Variants in G3BP1 observed in about 807,000 individuals in gnomAD.
G3BP1 encodes G3BP stress granule assembly factor 1.
Under a neutral mutation model 58.6 loss-of-function variants are expected in G3BP1, and 35 were observed. That is an observed-to-expected ratio of 0.60 (90% CI 0.46 to 0.79). The LOEUF (loss-of-function observed/expected upper bound fraction) is 0.79, where lower values mean the gene tolerates loss of function less well. G3BP1 is among the 30% of genes least tolerant of loss of function. The probability of loss-of-function intolerance (pLI) is 0.00; values close to 1 mark genes in which losing one functional copy is unlikely to be tolerated. For synonymous variants in G3BP1, 191 were observed against 195.4 expected, an observed-to-expected ratio of 0.98 and a Z score of 0.19; for missense variants, 523 against 580.8, an observed-to-expected ratio of 0.90 and a Z score of 1.02.
intron 1 of G3BP1, among the ~76,000 whole-genome samples, chr5:151,779,036 A>C (rs1762421707): frequency 6.6e-6 from 1 of 151,946 alleles, no homozygotes; most frequent in Admixed American, 6.6e-5. Context: ...CGACAGTGGA[A>C]GATTCCTTCT....
chr5:151,794,367 C>A (rs1762711323), intron 5 of G3BP1, 118 bp downstream of exon 5: 2 of 642,304 alleles, frequency 3.1e-6, no homozygotes, highest in African/African-American at 3.7e-5. Flanking sequence ...TCATTAATAA[C>A]TAATTATGGT....
rs1487037743 is a variant in G3BP1, at chr5:151,806,511, T to C, written c.*2420T>C. ...ATTGTGAGGTTTTGAATGATAGTAT[T>C]GGACCTAAGAAATAGGATTAGCATC... On this transcript the variant is annotated 3_prime_UTR_variant, in exon 12 of 12. Coordinates refer to ENST00000356245, the MANE Select transcript of G3BP1 (RefSeq NM_005754.3). 6.6e-6 allele frequency: 1 copy of C among 152,158 alleles called. No homozygotes were observed. Among genetic ancestry groups the C allele is most frequent in the African/African-American group, 2.4e-5 (1 of 41,430 alleles). 9.4% of individuals were successfully genotyped at this position (152,158 alleles called of 1,614,324 possible). A position where few individuals can be genotyped will look rare whatever the true frequency, so the allele number is the denominator to read the frequency against.
At chr5:151,798,651 T>A (rs1762796055) in intron 7 of G3BP1, among the ~76,000 whole-genome samples, 1 of 152,142 alleles carries the variant, frequency 6.6e-6, no homozygotes, top group Non-Finnish European at 1.5e-5. Context: ...TTTGTTTGAT[T>A]CACAGATTTG....
rs1331286742 is a variant in G3BP1, at chr5:151,804,836, A to G, written c.*745A>G. Reference sequence around the variant, plus strand: ...GTTTAATTTGTATTTGTAAAAAAACAAAAAGCAAAAAAATTCCCAAAACCC... The same window carrying G: ...GTTTAATTTGTATTTGTAAAAAAACGAAAAGCAAAAAAATTCCCAAAACCC... On this transcript the variant is annotated 3_prime_UTR_variant, in exon 12 of 12. Transcript: ENST00000356245. 4.6e-5 allele frequency: 7 copies of G among 152,636 alleles called. No individual in the cohort carries two copies. Among genetic ancestry groups the G allele is most frequent in the Non-Finnish European group, 8.8e-5 (6 of 68,036 alleles). The allele number at this position is 152,636 out of a possible 1,614,324, so 9.5% of individuals were successfully genotyped here. A position where few individuals can be genotyped will look rare whatever the true frequency, so the allele number is the denominator to read the frequency against.
At chr5:151,793,483 G>C (rs1205977907) in intron 4 of G3BP1, among the ~76,000 whole-genome samples, 1 of 152,160 alleles carries the variant, frequency 6.6e-6, no homozygotes, top group Non-Finnish European at 1.5e-5. Flanking sequence ...TCAGTTTTTG[G>C]ATATTTATCT....
rs758335062 is a variant in G3BP1, at chr5:151,799,303, C to T, written c.833C>T (p.Pro278Leu). Reference protein sequence around the residue: ...TGIPPHVVKVPASQPRPESKP... With the variant: ...TGIPPHVVKVLASQPRPESKP... ...ATACCACCTCATGTTGTTAAAGTACCAGCTTCACAGGTAAGGTCCTAATAA... is the reference window on the plus strand; with the variant it reads ...ATACCACCTCATGTTGTTAAAGTACTAGCTTCACAGGTAAGGTCCTAATAA... Residue 278 changes from proline to leucine, a missense_variant, in exon 8 of 12, where the codon CCA (proline) becomes CTA (leucine). Pro to Leu is a moderately conservative substitution (Grantham distance 98). This residue lies in a region of G3BP1 where 398 missense variants were observed against 399.1 expected (regional missense o/e 1.00). Transcript: ENST00000356245. 1 of 1,525,386 alleles carries T rather than the reference C, an allele frequency of 6.6e-7. No individual in the cohort carries two copies. The highest frequency in any genetic ancestry group is 1.1e-5 in the South Asian group (1 of 89,160). 94.5% of individuals were successfully genotyped at this position (1,525,386 alleles called of 1,614,324 possible). A position where few individuals can be genotyped will look rare whatever the true frequency, so the allele number is the denominator to read the frequency against.
chr5:151,800,890 ATTTTTTTTTT>A, intron 11 of G3BP1, 21 bp downstream of exon 11: 1 of 836,582 alleles, frequency 1.2e-6, no homozygotes, highest in Non-Finnish European at 1.9e-6. Flanking sequence ...TTTTGTCTTG[ATTTTTTTTTT>A]TTTTTTTTAA....
intron 4 of G3BP1, among the ~76,000 whole-genome samples, chr5:151,793,049 T>G (rs2113237224): frequency 6.6e-6 from 1 of 152,330 alleles, no homozygotes; most frequent in African/African-American, 2.4e-5. Context: ...CTTGAGTGTT[T>G]ATATCAATAT....
chr5:151,792,080 C>T (rs954413662), intron 4 of G3BP1: 1 of 456,272 alleles, frequency 2.2e-6, no homozygotes, highest in Non-Finnish European at 4.4e-6. Context: ...AGTCCCTATT[C>T]TTGAATCAGC....
rs145117861 is a variant in G3BP1, at chr5:151,793,462, T to G, written c.352-697T>G. ...GGTGTGGGCTGTGGCATTTACATGC[T>G]TAGGGCTTTGTCAGTTTTTGGATAT... is the stretch of plus-strand genomic sequence containing the variant. On this transcript the variant is annotated intron_variant, in intron 4 of 11. Transcript: ENST00000356245. Among the ~76,000 whole-genome samples, 272 of 152,292 alleles carry G rather than the reference T, an allele frequency of 1.8e-3. 1 individual carries two copies. Among genetic ancestry groups the G allele is most frequent in the African/African-American group, 6.3e-3 (263 of 41,552 alleles).
chr5:151,795,601 G>A (rs374307142), intron 6 of G3BP1, 26 bp downstream of exon 6: 45 of 1,162,736 alleles, frequency 3.9e-5, no homozygotes, highest in Non-Finnish European at 4.8e-5. Flanking sequence ...TCACATGTCC[G>A]GGGCTGCATA....
At chr5:151,779,358 T>G (rs1255478987) in intron 1 of G3BP1, among the ~76,000 whole-genome samples, 2 of 151,328 alleles carry the variant, frequency 1.3e-5, no homozygotes, top group Non-Finnish European at 3.0e-5. Context: ...GAGGTTCTGG[T>G]TTTTTTTTGT....
chr5:151,797,380 T>C lies in G3BP1; in HGVS notation c.693T>C (p.Ser231=). The change falls in exon 7 of 12, where the codon TCT becomes TCC. Residue 231 remains serine, a synonymous_variant. Coordinates refer to ENST00000356245, the MANE Select transcript of G3BP1 (RefSeq NM_005754.3). ...CCCCTGAGGATGCTCAGAAGAGTTC[T>C]TCTCCAGCACCTGCAGACATAGCTC... The part of the protein sequence containing the change: ...ETAPEDAQKS[S]SPAPADIAQT... 1.9e-6 allele frequency: 3 copies of C among 1,613,772 alleles called. No individual in the cohort carries two copies. The highest frequency in any genetic ancestry group is 2.5e-6 in the Non-Finnish European group (3 of 1,179,684).
chr5:151,798,643 T>C (rs1762795914), intron 7 of G3BP1, among the ~76,000 whole-genome samples: 1 of 152,186 alleles, frequency 6.6e-6, no homozygotes, highest in Non-Finnish European at 1.5e-5. Context: ...GAGGGAATTT[T>C]GTTTGATTCA....
intron 1 of G3BP1, among the ~76,000 whole-genome samples, chr5:151,785,753 T>G (rs1168158038): frequency 6.6e-6 from 1 of 152,228 alleles, no homozygotes; most frequent in Non-Finnish European, 1.5e-5. Context: ...CCATTTTATT[T>G]TGAAATTTTT....
rs541395108 is a variant in G3BP1, at chr5:151,773,618, A to G, written c.-50+1582A>G. On this transcript the variant is annotated intron_variant, in intron 1 of 11. Transcript: ENST00000356245. ...TCTTCTATGTTATAGAAACACTTCT[A>G]TAAACATAAAGATTTCTATAATCGT... Among the ~76,000 whole-genome samples, 99 of 152,208 alleles carry G rather than the reference A, an allele frequency of 6.5e-4. 1 individual carries two copies. The highest frequency in any genetic ancestry group is 2.5e-3 in the Admixed American group (38 of 15,272).
rs1762905982 is a variant in G3BP1, at chr5:151,804,176, T to C, written c.*85T>C. 2.1e-6 allele frequency: 2 copies of C among 974,016 alleles called. No individual in the cohort carries two copies. The highest frequency in any genetic ancestry group is 3.1e-6 in the Non-Finnish European group (2 of 639,226). The allele number at this position is 974,016 out of a possible 1,614,324, so 60.3% of individuals were successfully genotyped here. A position where few individuals can be genotyped will look rare whatever the true frequency, so the allele number is the denominator to read the frequency against. ...CGACAGCCTTTGGTATCTTGGAGTA[T>C]GACCCCAGTCTGTTATAAACTGCTT... On this transcript the variant is annotated 3_prime_UTR_variant, in exon 12 of 12. Transcript: ENST00000356245.
intron 4 of G3BP1, among the ~76,000 whole-genome samples, chr5:151,793,368 C>T (rs939743455): frequency 6.6e-6 from 1 of 152,168 alleles, no homozygotes; most frequent in Admixed American, 6.5e-5. Context: ...CTCGGCCTCC[C>T]AAAGTGCTGG....
chr5:151,792,220 T>C, intron 4 of G3BP1: 1 of 396,836 alleles, frequency 2.5e-6, no homozygotes, highest in Admixed American at 3.0e-5. Context: ...TCCTGTCTGC[T>C]TAAGCATGTA....
Sources: gnomAD v4.1 joint callset for allele counts (sites outside exome capture counted in the v4.1 genomes callset) on GRCh38, gnomAD v4.1.1 for gene constraint, gnomAD v4.1.1 regional missense constraint, MANE v1.5 for transcripts, NCBI Gene and HGNC (gene_info 2026-07-23, HGNC 2026-07-21) for gene names.